The following FOXP2 variants were observed in gnomAD, a reference collection of about 807,000 sequenced individuals.
The protein encoded by FOXP2 is forkhead box protein P2.
A neutral mutation model predicts 115.8 loss-of-function variants in FOXP2; 12 were observed. The ratio of observed to expected loss-of-function variants is 0.10; its 90% CI spans 0.07 to 0.17. FOXP2 has a LOEUF of 0.17. FOXP2 is among the 10% of genes least tolerant of loss of function. The pLI is 1.00. For missense variants in FOXP2, 629 were observed against 843.5 expected, an observed-to-expected ratio of 0.75 and a Z score of 3.15; for synonymous variants, 328 against 297.7, an observed-to-expected ratio of 1.10 and a Z score of -1.05.
At chr7:114,215,205 A>G (rs1794455653) in intron 1 of FOXP2, among the ~76,000 whole-genome samples, 1 of 152,148 alleles carries the variant, frequency 6.6e-6, no homozygotes, top group Non-Finnish European at 1.5e-5. Context: ...TTAAAAGAAC[A>G]CAAATACTTC....
rs62640396 is a variant in FOXP2 at position 114,629,891 on chromosome 7, A to G, written c.483A>G (p.Gln161=). Residue 161 remains glutamine (Q), a synonymous_variant, in exon 5 of 17, where the codon CAA becomes CAG. Transcript: ENST00000350908. The part of the protein sequence containing the change: ...LQQQQQQQQQ[Q]QQQQQQQQQQ... ...AGCAGCAGCAACAGCAGCAGCAGCA[A>G]CAACAGCAGCAACAACAGCAGCAGC... 150 of 1,610,342 alleles carry G rather than the reference A, an allele frequency of 9.3e-5. No homozygotes were observed. The African/African-American group carries it at 1.8e-3, about 20-fold the overall frequency.
chr7:114,600,756 G>T (rs545996821), intron 3 of FOXP2, among the ~76,000 whole-genome samples: 194 of 152,200 alleles, frequency 1.3e-3, no homozygotes, highest in Middle Eastern at 3.4e-3. Flanking sequence ...TTAAGATATT[G>T]AACATAATTT....
intron 1 of FOXP2, among the ~76,000 whole-genome samples, chr7:114,268,383 T>C (rs192875798): frequency 1.3e-5 from 2 of 152,286 alleles, no homozygotes; most frequent in East Asian, 1.9e-4. Flanking sequence ...TAGGATAATA[T>C]TAGGGCATAT....
chr7:114,134,668 C>G (rs1044173718), intron 1 of FOXP2, among the ~76,000 whole-genome samples: 31 of 149,868 alleles, frequency 2.1e-4, no homozygotes, highest in Non-Finnish European at 4.2e-4. Flanking sequence ...AGCCGAGATC[C>G]CGCCACTGCA....
At chr7:114,453,481 A>T (rs984279692) in intron 2 of FOXP2, among the ~76,000 whole-genome samples, 20 of 152,024 alleles carry the variant, frequency 1.3e-4, no homozygotes, top group Admixed American at 1.3e-3. Context: ...CAAAAGCAAA[A>T]TGATATAAAA....
chr7:114,638,061 G>A (rs1352731302), intron 6 of FOXP2, among the ~76,000 whole-genome samples: 1 of 152,108 alleles, frequency 6.6e-6, no homozygotes, highest in African/African-American at 2.4e-5. Flanking sequence ...GGAGGGGGCT[G>A]TATAAACAGG....
chr7:114,246,925 C>T (rs928385213), intron 1 of FOXP2, among the ~76,000 whole-genome samples: 1 of 152,062 alleles, frequency 6.6e-6, no homozygotes, highest in South Asian at 2.1e-4. Flanking sequence ...TTGTGGTGGA[C>T]TATATTGTAT....
At chr7:114,098,344 G>T (rs1166683495) in intron 1 of FOXP2, among the ~76,000 whole-genome samples, 1 of 152,156 alleles carries the variant, frequency 6.6e-6, no homozygotes, top group Non-Finnish European at 1.5e-5. Context: ...CAAAGCTGTG[G>T]TAATCAAAAC....
chr7:114,534,622 C>G lies in FOXP2; in HGVS notation c.174C>G (p.Leu58=), dbSNP rs771919689. ...ELLHLQQQQA[L]QAARQLLLQQ... ...GGTTTCATTTTTACTTCTAGGCTCTCCAGGCAGCAAGACAACTTCTTTTAC... is the reference window on the plus strand; with the variant it reads ...GGTTTCATTTTTACTTCTAGGCTCTGCAGGCAGCAAGACAACTTCTTTTAC... Residue 58 remains leucine, a synonymous_variant, in exon 3 of 17, where the codon CTC becomes CTG. Transcript: ENST00000350908. The G allele has an allele frequency of 1.2e-6, 2 of 1,611,546 alleles. No individual in the cohort carries two copies. Among genetic ancestry groups the G allele is most frequent in the Admixed American group, 1.7e-5 (1 of 59,832 alleles).
intron 3 of FOXP2, among the ~76,000 whole-genome samples, chr7:114,567,844 A>G (rs1217378139): frequency 1.3e-5 from 2 of 152,080 alleles, no homozygotes; most frequent in Non-Finnish European, 2.9e-5. Context: ...TAGGGAAGCC[A>G]TGAGAAGAAA....
At chr7:114,124,176 T>C (rs1791641881) in intron 1 of FOXP2, among the ~76,000 whole-genome samples, 1 of 152,020 alleles carries the variant, frequency 6.6e-6, no homozygotes, top group South Asian at 2.1e-4. Context: ...AGGAAGTAGG[T>C]AGTTTTATGA....
chr7:114,480,765 A>G (rs1796502263), intron 2 of FOXP2, among the ~76,000 whole-genome samples: 1 of 150,500 alleles, frequency 6.6e-6, no homozygotes, highest in Non-Finnish European at 1.5e-5. Flanking sequence ...GTATATATAT[A>G]CGTATACATA....
intron 8 of FOXP2, among the ~76,000 whole-genome samples, chr7:114,651,049 T>C (rs893864279): frequency 6.6e-6 from 1 of 152,106 alleles, no homozygotes; most frequent in African/African-American, 2.4e-5. Context: ...TTATATTTTT[T>C]CTGCCTCACT....
At chr7:114,150,153 A>G (rs759007425) in intron 1 of FOXP2, among the ~76,000 whole-genome samples, 1 of 152,058 alleles carries the variant, frequency 6.6e-6, no homozygotes, top group Non-Finnish European at 1.5e-5. Flanking sequence ...AAGGTAGATA[A>G]TACATAGTAT....
chr7:114,142,302 G>A (rs370898173), intron 1 of FOXP2, among the ~76,000 whole-genome samples: 146 of 152,190 alleles, frequency 9.6e-4, no homozygotes, highest in Middle Eastern at 3.4e-3. Context: ...GATTACAGGC[G>A]TGAGCCACTG....
At chr7:114,654,349 C>T (rs865917489) in intron 10 of FOXP2, among the ~76,000 whole-genome samples, 4 of 151,998 alleles carry the variant, frequency 2.6e-5, no homozygotes, top group Admixed American at 1.3e-4. Flanking sequence ...AAAGTAGTAA[C>T]GTACAAATCA....
chr7:114,196,965 A>G (rs564083452), intron 1 of FOXP2, among the ~76,000 whole-genome samples: 1 of 152,142 alleles, frequency 6.6e-6, no homozygotes, highest in African/African-American at 2.4e-5. Context: ...GCCGAGGTGG[A>G]AGGATTACTT....
intron 16 of FOXP2, among the ~76,000 whole-genome samples, chr7:114,686,655 A>T (rs919802357): frequency 6.6e-6 from 1 of 152,128 alleles, no homozygotes; most frequent in Non-Finnish European, 1.5e-5. Flanking sequence ...AGATTGGTAA[A>T]CATTTTGTTT....
chr7:114,684,626 T>G (rs1376349294), intron 16 of FOXP2, among the ~76,000 whole-genome samples: 1 of 152,178 alleles, frequency 6.6e-6, no homozygotes, highest in African/African-American at 2.4e-5. Flanking sequence ...CCTTAGGAGT[T>G]TATTCTAATT....
Sources: allele counts gnomAD v4.1 joint callset (sites outside exome capture counted in the v4.1 genomes callset), GRCh38; gene constraint gnomAD v4.1.1; transcripts MANE v1.5; gene names NCBI Gene and HGNC (gene_info 2026-07-23, HGNC 2026-07-21).